PTK2: variants seen among roughly 807,000 people sequenced by gnomAD.
PTK2 encodes the protein protein tyrosine kinase 2, also known as focal adhesion kinase 1.
PTK2 carries 45 observed loss-of-function variants against 150.1 expected under a neutral mutation model. The observed-to-expected ratio is 0.30, with a 90% CI of 0.24 to 0.38. The LOEUF (loss-of-function observed/expected upper bound fraction) is 0.38. Among genes scored for constraint, PTK2 ranks in the 10% least tolerant of loss-of-function variants. The pLI, the probability that PTK2 is intolerant of heterozygous loss-of-function variation, is 1.00. For missense variants in PTK2, 919 were observed against 1,307.3 expected (o/e 0.70, Z 4.58); for synonymous variants, 432 against 449.2 (o/e 0.96, Z 0.48).
intron 8 of PTK2, among the ~76,000 whole-genome samples, chr8:140,827,565 G>A (rs920980407): frequency 2.0e-5 from 3 of 152,156 alleles, no homozygotes; most frequent in Non-Finnish European, 4.4e-5. Flanking sequence ...ATGGAGAGCA[G>A]TAGGGAAGGC....
At chr8:140,962,900 G>A (rs2100183873) in intron 1 of PTK2, among the ~76,000 whole-genome samples, 2 of 151,380 alleles carry the variant, frequency 1.3e-5, no homozygotes. Context: ...ACCTACCTAG[G>A]CTTCCTCTGC....
intron 3 of PTK2, 38 bp from the exon 4 acceptor site, chr8:140,879,675 T>TTAAAA: frequency 5.4e-5 from 2 of 37,200 alleles, no homozygotes; most frequent in East Asian, 4.9e-4. Context: ...TGTTATAAAC[T>TTAAAA]GAAAAAAAAA....
intron 14 of PTK2, among the ~76,000 whole-genome samples, chr8:140,776,141 T>C (rs532930434): frequency 1.2e-4 from 19 of 152,308 alleles, no homozygotes; most frequent in African/African-American, 3.6e-4. Context: ...GTGGCTGGGA[T>C]TACAGGCATC....
chr8:140,846,731 A>C, intron 5 of PTK2, 53 bp from the exon 6 acceptor site: 3 of 1,265,274 alleles, frequency 2.4e-6, no homozygotes, highest in Non-Finnish European at 3.4e-6. Flanking sequence ...AAAATATTAG[A>C]TATATGCATT....
At chr8:140,694,024 C>CA (rs1366687226) in intron 26 of PTK2, among the ~76,000 whole-genome samples, 2 of 150,762 alleles carry the variant, frequency 1.3e-5, no homozygotes, top group African/African-American at 4.9e-5. Flanking sequence ...AGCTAAGCAT[C>CA]TTTTTTTCTT....
chr8:140,752,485 T>A (rs2100063349), intron 16 of PTK2, among the ~76,000 whole-genome samples, 169 bp from the exon 20 acceptor site: 1 of 152,172 alleles, frequency 6.6e-6, no homozygotes, highest in Non-Finnish European at 1.5e-5. Flanking sequence ...CAGTATAAAA[T>A]CCCCTGAGAA....
intron 2 of PTK2, among the ~76,000 whole-genome samples, chr8:140,914,198 G>C (rs1232442519): frequency 6.6e-6 from 1 of 152,026 alleles, no homozygotes; most frequent in Non-Finnish European, 1.5e-5. Flanking sequence ...TTATAAAAAT[G>C]TATGCAAATA....
chr8:140,876,828 C>G (rs536758453), intron 4 of PTK2, among the ~76,000 whole-genome samples: 1 of 152,184 alleles, frequency 6.6e-6, no homozygotes, highest in South Asian at 2.1e-4. Flanking sequence ...TCTACAACTT[C>G]TATTTGGACT....
chr8:140,833,555 C>A (rs1025932051), intron 7 of PTK2, among the ~76,000 whole-genome samples: 4 of 152,180 alleles, frequency 2.6e-5, no homozygotes, highest in African/African-American at 9.7e-5. Context: ...TCGCCTCTCT[C>A]CATGATCTGT....
chr8:140,992,508 C>G (rs369716989), intron 1 of PTK2, among the ~76,000 whole-genome samples: 1 of 152,120 alleles, frequency 6.6e-6, no homozygotes, highest in East Asian at 1.9e-4. Flanking sequence ...TGAACACCAC[C>G]CTCAGTGTTT....
At chr8:140,984,859 A>G (rs1291523131) in intron 1 of PTK2, among the ~76,000 whole-genome samples, 6 of 152,194 alleles carry the variant, frequency 3.9e-5, no homozygotes, top group Non-Finnish European at 7.4e-5. Context: ...ACTCCACTCA[A>G]CATCCCCCGA....
At chr8:140,927,807 T>C (rs1467135817) in intron 1 of PTK2, among the ~76,000 whole-genome samples, 1 of 150,892 alleles carries the variant, frequency 6.6e-6, no homozygotes, top group Non-Finnish European at 1.5e-5. Context: ...TACAAAAAAT[T>C]GGCCGCGCGT....
intron 1 of PTK2, among the ~76,000 whole-genome samples, chr8:140,977,408 G>A (rs2100189659): frequency 6.6e-6 from 1 of 152,142 alleles, no homozygotes; most frequent in African/African-American, 2.4e-5. Context: ...CAGATCACGA[G>A]GTCAGGAGAT....
chr8:140,935,393 C>T (rs2100173246), intron 1 of PTK2, among the ~76,000 whole-genome samples: 1 of 152,120 alleles, frequency 6.6e-6, no homozygotes, highest in South Asian at 2.1e-4. Flanking sequence ...GTGACTTATC[C>T]TGACAGATTC....
In PTK2 at chr8:140,930,073, T is replaced by C. The variant is rs147343242; in HGVS notation, c.-121-4324A>G. On this transcript the variant is annotated intron_variant, in intron 1 of 31. Coordinates refer to ENST00000522684, the Ensembl canonical transcript of PTK2. ...TCTAACTTCTGGTAGACTGGTCTAC[T>C]AAACCTCCAATAAATCTCCTCTCAG... is the stretch of plus-strand genomic sequence containing the variant. Among the ~76,000 whole-genome samples the C allele has an allele frequency of 2.2e-3, 340 of 152,350 alleles. 1 individual carries two copies. The highest frequency in any genetic ancestry group is 6.8e-3 in the Middle Eastern group (2 of 294).
intron 2 of PTK2, among the ~76,000 whole-genome samples, chr8:140,911,220 CCTTT>C (rs898572578): frequency 2.0e-5 from 3 of 151,918 alleles, no homozygotes; most frequent in African/African-American, 4.8e-5. Flanking sequence ...TTTTTGTCTG[CCTTT>C]TTTTTCTGGC....
At position 140,991,061 on chromosome 8, in the gene PTK2, A is replaced by G. The variant is rs149915182; in HGVS notation, c.-122+10064T>C. ...TGCCAAGTTATGCGTCTAATTCTGCATAAGATATAACAGATTTAAGCGACA... is the reference window on the plus strand; with the variant it reads ...TGCCAAGTTATGCGTCTAATTCTGCGTAAGATATAACAGATTTAAGCGACA... On this transcript the variant is annotated intron_variant, in intron 1 of 31. Transcript: ENST00000522684. 5.9e-3 allele frequency among the ~76,000 whole-genome samples: 905 copies of G among 152,358 alleles called. 9 individuals carry two copies. Among genetic ancestry groups the G allele is most frequent in the African/African-American group, 0.021 (862 of 41,582 alleles).
At chr8:140,929,035 G>A (rs1277574128) in intron 1 of PTK2, among the ~76,000 whole-genome samples, 3 of 124,352 alleles carry the variant, frequency 2.4e-5, no homozygotes, top group South Asian at 2.6e-4. Context: ...GCGGGATCTC[G>A]GCTCACTGCA....
intron 5 of PTK2, among the ~76,000 whole-genome samples, chr8:140,850,723 C>G (rs1013727968): frequency 1.3e-5 from 2 of 152,106 alleles, no homozygotes; most frequent in Admixed American, 6.5e-5. Flanking sequence ...GAGCGAGACT[C>G]CATCTCAAAA....
Sources: gnomAD v4.1 joint callset for allele counts (sites outside exome capture counted in the v4.1 genomes callset) on GRCh38, gnomAD v4.1.1 for gene constraint, MANE v1.5 for transcripts, NCBI Gene and HGNC (gene_info 2026-07-23, HGNC 2026-07-21) for gene names.